Variants in CHODL observed in about 807,000 individuals in gnomAD.
The protein encoded by CHODL is transmembrane protein MT75.
Under a neutral mutation model 34.5 loss-of-function variants are expected in CHODL, and 29 were observed. That is an observed-to-expected ratio of 0.84 (90% confidence interval 0.63 to 1.15). The LOEUF (loss-of-function observed/expected upper bound fraction) is 1.15, where lower values mean the gene tolerates loss of function less well. Ranked by LOEUF, CHODL falls within the 50% of genes most tolerant of loss-of-function variation. CHODL has a pLI of 0.00. For missense variants in CHODL, 332 were observed against 332.5 expected (o/e 1.00, Z 0.01); for synonymous variants, 125 against 116.1 (o/e 1.08, Z -0.49).
At chr21:18,180,361 A>C (rs1232312458) in intron 2 of CHODL, among the ~76,000 whole-genome samples, 1 of 152,034 alleles carries the variant, frequency 6.6e-6, no homozygotes, top group Non-Finnish European at 1.5e-5. Flanking sequence ...CCCAGGATGG[A>C]CTCAAACACG....
intron 2 of CHODL, among the ~76,000 whole-genome samples, chr21:18,185,151 C>T (rs2073426085): frequency 6.6e-6 from 1 of 152,090 alleles, no homozygotes. Flanking sequence ...TTAGGTATTT[C>T]TCCTAATGCT....
intron 2 of CHODL, among the ~76,000 whole-genome samples, chr21:18,157,389 GA>G (rs1183133874): frequency 1.3e-5 from 2 of 152,204 alleles, no homozygotes; most frequent in Non-Finnish European, 2.9e-5. Context: ...AAAAAGAAAT[GA>G]GATTACATAT....
intron 2 of CHODL, among the ~76,000 whole-genome samples, chr21:18,200,578 C>T (rs2073640148): frequency 6.6e-6 from 1 of 152,114 alleles, no homozygotes; most frequent in African/African-American, 2.4e-5. Flanking sequence ...AGATTGCATA[C>T]ATTTGATACA....
intron 1 of CHODL, among the ~76,000 whole-genome samples, chr21:18,016,887 G>C (rs1373909527): frequency 1.3e-5 from 2 of 152,246 alleles, no homozygotes; most frequent in Non-Finnish European, 2.9e-5. Context: ...GATTATTTTG[G>C]AGCTTTAAGA....
chr21:18,150,796 C>A (rs913202444), intron 2 of CHODL, among the ~76,000 whole-genome samples: 27 of 152,180 alleles, frequency 1.8e-4, no homozygotes, highest in Admixed American at 1.2e-3. Flanking sequence ...TAAAGAAATT[C>A]TCTGACCTGG....
chr21:18,218,454 G>C (rs2073851521), intron 2 of CHODL, among the ~76,000 whole-genome samples: 2 of 152,150 alleles, frequency 1.3e-5, no homozygotes, highest in Non-Finnish European at 2.9e-5. Flanking sequence ...GCACACAGTA[G>C]GGGGGATTTG....
chr21:17,964,621 T>G (rs1420755207), intron 1 of CHODL, among the ~76,000 whole-genome samples: 2 of 152,230 alleles, frequency 1.3e-5, no homozygotes, highest in African/African-American at 4.8e-5. Flanking sequence ...TCTTTGTTTC[T>G]AACAGGTTAA....
chr21:18,049,463 G>T (rs2064486291), intron 2 of CHODL, among the ~76,000 whole-genome samples: 1 of 151,900 alleles, frequency 6.6e-6, no homozygotes, highest in African/African-American at 2.4e-5. Flanking sequence ...AAAGTAGTGG[G>T]ATCTGTTTTT....
At chr21:17,997,658 C>G (rs2063863535) in intron 1 of CHODL, among the ~76,000 whole-genome samples, 1 of 152,154 alleles carries the variant, frequency 6.6e-6, no homozygotes, top group Admixed American at 6.5e-5. Flanking sequence ...AAAGGCACTT[C>G]TTACATGGTG....
At chr21:18,001,409 G>T (rs2063904671) in intron 1 of CHODL, among the ~76,000 whole-genome samples, 1 of 152,176 alleles carries the variant, frequency 6.6e-6, no homozygotes, top group African/African-American at 2.4e-5. Context: ...TGTTTAAAGG[G>T]CCCACAGGGC....
At chr21:18,057,827 T>TA (rs963746436) in intron 2 of CHODL, among the ~76,000 whole-genome samples, 61 of 151,924 alleles carry the variant, frequency 4.0e-4, no homozygotes, top group African/African-American at 1.2e-3. Flanking sequence ...TTTTTTTCTT[T>TA]AAAAAAAACT....
At chr21:18,002,230 A>T (rs917052319) in intron 1 of CHODL, among the ~76,000 whole-genome samples, 4 of 152,236 alleles carry the variant, frequency 2.6e-5, no homozygotes, top group African/African-American at 9.6e-5. Flanking sequence ...TGTGAATTAA[A>T]TGATTAAAAC....
chr21:18,013,261 C>T (rs1268812210), intron 1 of CHODL, among the ~76,000 whole-genome samples: 1 of 150,918 alleles, frequency 6.6e-6, no homozygotes, highest in Non-Finnish European at 1.5e-5. Flanking sequence ...ATCTGTGTTT[C>T]AGTTTCTTCT....
At chr21:18,063,933 C>G (rs2064699694) in intron 2 of CHODL, among the ~76,000 whole-genome samples, 1 of 152,124 alleles carries the variant, frequency 6.6e-6, no homozygotes, top group Admixed American at 6.6e-5. Flanking sequence ...CTCAGTGTGA[C>G]TAGCTGCTTG....
At chr21:18,107,440 G>A (rs1259941705) in intron 2 of CHODL, among the ~76,000 whole-genome samples, 1 of 152,140 alleles carries the variant, frequency 6.6e-6, no homozygotes, top group African/African-American at 2.4e-5. Flanking sequence ...AAAATACAGG[G>A]GCCTATCAAC....
At chr21:18,028,273 TTTCCCCTTCCTTCCTTCCTTCCTTCC>T (rs1366506012) in intron 2 of CHODL, among the ~76,000 whole-genome samples, 5 of 67,590 alleles carry the variant, frequency 7.4e-5, no homozygotes, top group Admixed American at 5.9e-4. Context: ...TCTTTTTCCT[TTTCCCCTTCCTTCCTTCCTTCCTTCC>T]TTCCTTCCTT....
At chr21:18,177,455 A>C (rs556297495) in intron 2 of CHODL, among the ~76,000 whole-genome samples, 1 of 152,178 alleles carries the variant, frequency 6.6e-6, no homozygotes, top group African/African-American at 2.4e-5. Flanking sequence ...TAGCTTCAGC[A>C]TAATTCATGG....
intron 2 of CHODL, among the ~76,000 whole-genome samples, chr21:18,184,508 G>A (rs2073417458): frequency 1.3e-5 from 2 of 152,238 alleles, no homozygotes; most frequent in African/African-American, 4.8e-5. Flanking sequence ...ATAGGCATTG[G>A]TTTAAAAATA....
chr21:17,930,269 T>C (rs2063261547), intron 1 of CHODL, among the ~76,000 whole-genome samples: 1 of 148,598 alleles, frequency 6.7e-6, no homozygotes, highest in Non-Finnish European at 1.5e-5. Context: ...ATTTTGCTGT[T>C]GCCTAGCACC....
Sources: allele counts gnomAD v4.1 joint callset (sites outside exome capture counted in the v4.1 genomes callset), GRCh38; gene constraint gnomAD v4.1.1; transcripts MANE v1.5; gene names NCBI Gene and HGNC (gene_info 2026-07-23, HGNC 2026-07-21).